The following NRAS variants were observed in gnomAD, a reference collection of about 807,000 sequenced individuals.
The protein encoded by NRAS is NRAS proto-oncogene, GTPase.
In NRAS, 6 loss-of-function variants were observed where a neutral mutation model predicts 21.3. The ratio of observed to expected loss-of-function variants is 0.28; its 90% confidence interval spans 0.15 to 0.56. NRAS has a LOEUF of 0.56. Among genes scored for constraint, NRAS ranks in the 20% least tolerant of loss-of-function variants. The pLI is 0.93. For synonymous variants in NRAS, 84 were observed against 82.0 expected (o/e 1.02, Z -0.13); for missense variants, 143 against 231.3 (o/e 0.62, Z 2.48).
At chr1:114,714,012 A>C in intron 2 of NRAS, 34 bp from the exon 3 acceptor site, 37 of 592,622 alleles carry the variant, frequency 6.2e-5, no homozygotes, top group Middle Eastern at 3.0e-4. Context: ...GCAGGGAGGG[A>C]GGGAAGTTCA....
At chr1:114,711,661 TG>T (rs1659048860) in intron 3 of NRAS, among the ~76,000 whole-genome samples, 1 of 150,956 alleles carries the variant, frequency 6.6e-6, no homozygotes, top group Non-Finnish European at 1.5e-5. Flanking sequence ...ACATTGTATC[TG>T]GAAGCCCAAG....
chr1:114,708,035 C>T lies in NRAS; in HGVS notation c.*59G>A. 5.9e-6 allele frequency: 1 copy of T among 169,922 alleles called. No homozygotes were observed. The highest frequency in any genetic ancestry group is 1.3e-5 in the Non-Finnish European group (1 of 78,468). The allele number at this position is 169,922 out of a possible 1,614,324, so 10.5% of individuals were successfully genotyped here. On this transcript the variant is annotated 3_prime_UTR_variant, in exon 7 of 7. Transcript: ENST00000369535. ...ACTTCTCCTCCAGGGAAGTCAGGAC[C>T]AGGGTGTCAGTGCAGCTGAAATAGA...
At position 114,713,878 on chromosome 1, in the gene NRAS, T is replaced by TA; in HGVS notation, c.211dup (p.Tyr71LeufsTer16). 1 of 1,613,806 alleles carries TA rather than the reference T, an allele frequency of 6.2e-7. No homozygotes were observed. Among genetic ancestry groups the TA allele is most frequent in the Non-Finnish European group, 8.5e-7 (1 of 1,179,720 alleles). On this transcript the variant is annotated frameshift_variant, in exon 3 of 7. Transcript: ENST00000369535. LOFTEE classifies it high-confidence loss of function. ...GAGGAAGCCTTCGCCTGTCCTCATGTATTGGTCTCTCATGGCACTGTACTC... is the reference window on the plus strand; with the variant it reads ...GAGGAAGCCTTCGCCTGTCCTCATGTAATTGGTCTCTCATGGCACTGTACTC...
intron 2 of NRAS, among the ~76,000 whole-genome samples, chr1:114,715,149 C>G (rs1409006794): frequency 6.6e-6 from 1 of 152,216 alleles, no homozygotes; most frequent in Non-Finnish European, 1.5e-5. Context: ...GCCTCAGCCT[C>G]CTGAGTAGCT....
At chr1:114,716,224 G>C in intron 1 of NRAS, 47 bp from the exon 2 acceptor site, 1 of 1,029,076 alleles carries the variant, frequency 9.7e-7, no homozygotes, top group Non-Finnish European at 1.5e-6. Flanking sequence ...CACATCTACA[G>C]TACTTTAAAG....
At position 114,705,866 on chromosome 1, in the gene NRAS, T is replaced by C. The variant is rs1658900773; in HGVS notation, c.*2228A>G. 2 of 152,256 alleles carry C rather than the reference T, an allele frequency of 1.3e-5. No homozygotes were observed. The highest frequency in any genetic ancestry group is 2.9e-5 in the Non-Finnish European group (2 of 68,038). 9.4% of individuals were successfully genotyped at this position (152,256 alleles called of 1,614,324 possible). ...TTTAGAAACTTCTGTGCTTAGAACA[T>C]ACTTGGAAAACTCTAAGTACATACA... On this transcript the variant is annotated 3_prime_UTR_variant, in exon 7 of 7. Coordinates refer to ENST00000369535, the MANE Select transcript of NRAS (RefSeq NM_002524.5).
intron 4 of NRAS, 79 bp from the exon 5 acceptor site, chr1:114,708,733 G>T: frequency 2.2e-6 from 3 of 1,335,826 alleles, no homozygotes; most frequent in East Asian, 4.6e-5. Flanking sequence ...TCTTGCATTT[G>T]TATCTCTTTA....
intron 3 of NRAS, among the ~76,000 whole-genome samples, chr1:114,711,232 G>T (rs1659036332): frequency 6.6e-6 from 1 of 152,172 alleles, no homozygotes; most frequent in African/African-American, 2.4e-5. Flanking sequence ...CTTGATCCCT[G>T]AGAGGTTGAA....
Position 114,709,671 on chromosome 1 carries a change from G to C in NRAS, c.348C>G (p.Asn116Lys), listed in dbSNP as rs2101738858. 1 of 1,613,178 alleles carries C rather than the reference G, an allele frequency of 6.2e-7. No individual in the cohort carries two copies. The highest frequency in any genetic ancestry group is 8.5e-7 in the Non-Finnish European group (1 of 1,179,178). ...CTGTCCTTGTTGGCAAATCACACTT[G>C]TTTCCCACTAGCACCATAGGTACAT... ...SDDVPMVLVGNKCDLPTRTVD... is the reference protein window; with the variant it reads ...SDDVPMVLVGKKCDLPTRTVD... The change falls in exon 4 of 7, where the codon AAC becomes AAG. Residue 116 changes from asparagine (N) to lysine (K), a missense_variant. Asn to Lys is a moderately conservative substitution (Grantham distance 94, BLOSUM62 0). Transcript: ENST00000369535.
At chr1:114,715,130 G>A (rs1659127088) in intron 2 of NRAS, among the ~76,000 whole-genome samples, 1 of 152,156 alleles carries the variant, frequency 6.6e-6, no homozygotes, top group South Asian at 2.1e-4. Context: ...TGGTTCAAGC[G>A]ATTCTCCTGC....
intron 2 of NRAS, among the ~76,000 whole-genome samples, chr1:114,715,051 C>T (rs1557983146): frequency 1.3e-5 from 2 of 152,148 alleles, no homozygotes; most frequent in South Asian, 2.1e-4. Context: ...TTTTTTGAGA[C>T]GAAGTCTCGC....
intron 2 of NRAS, 25 bp from the exon 3 acceptor site, chr1:114,714,003 CAGGGAGGG>C: frequency 1.7e-6 from 2 of 1,171,608 alleles, no homozygotes; most frequent in Non-Finnish European, 1.2e-6. Context: ...GGTAAGGGGG[CAGGGAGGG>C]AGGGAAGTTC....
At chr1:114,711,405 C>A (rs569247783) in intron 3 of NRAS, among the ~76,000 whole-genome samples, 4 of 152,034 alleles carry the variant, frequency 2.6e-5, no homozygotes, top group African/African-American at 9.6e-5. Flanking sequence ...TGAAACCAGC[C>A]CGGCCAACAT....
At chr1:114,708,927 A>T (rs1167246348) in intron 4 of NRAS, among the ~76,000 whole-genome samples, 1 of 152,240 alleles carries the variant, frequency 6.6e-6, no homozygotes, top group East Asian at 1.9e-4. Context: ...ACACGGAACA[A>T]AACTACATTA....
intron 3 of NRAS, among the ~76,000 whole-genome samples, chr1:114,711,959 CCA>C (rs1659055386): frequency 6.6e-6 from 1 of 152,194 alleles, no homozygotes; most frequent in African/African-American, 2.4e-5. Flanking sequence ...CTGTAAATAA[CCA>C]CATACTGCAC....
chr1:114,709,476 A>G (rs908072235), intron 4 of NRAS, 93 bp downstream of exon 4: 10 of 1,053,540 alleles, frequency 9.5e-6, no homozygotes, highest in Non-Finnish European at 1.4e-5. Flanking sequence ...AAAAAAATGC[A>G]TAACAACAAA....
At position 114,709,855 on chromosome 1, in the gene NRAS, A is replaced by T. The variant is rs1198971705; in HGVS notation, c.291-127T>A. The stretch of plus-strand genomic sequence containing the variant: ...CAGACTGCTTGAACCCAGGAGTTTG[A>T]GATTAGCCTGGGCAACATGGCAAAA... On this transcript the variant is annotated intron_variant, in intron 3 of 6. Transcript: ENST00000369535. 9.2e-6 allele frequency: 7 copies of T among 759,944 alleles called. No individual in the cohort carries two copies. In the East Asian group the frequency reaches 1.8e-4, roughly 20 times the overall value. 47.1% of individuals were successfully genotyped at this position (759,944 alleles called of 1,614,324 possible). A position where few individuals can be genotyped will look rare whatever the true frequency, so the allele number is the denominator to read the frequency against.
Position 114,704,737 on chromosome 1 carries a change from A to G in NRAS, c.*3357T>C, listed in dbSNP as rs1462480445. 1 of 152,244 alleles carries G rather than the reference A, an allele frequency of 6.6e-6. No homozygotes were observed. The highest frequency in any genetic ancestry group is 1.5e-5 in the Non-Finnish European group (1 of 68,048). 9.4% of individuals were successfully genotyped at this position (152,244 alleles called of 1,614,324 possible). A position where few individuals can be genotyped will look rare whatever the true frequency, so the allele number is the denominator to read the frequency against. On this transcript the variant is annotated 3_prime_UTR_variant, in exon 7 of 7. Transcript: ENST00000369535. ...ACATCCTCCCCTCCCTCCAGAGCAGAGTTCATACAATTCCATCTTAGGTCA... is the reference window on the plus strand; with the variant it reads ...ACATCCTCCCCTCCCTCCAGAGCAGGGTTCATACAATTCCATCTTAGGTCA...
chr1:114,709,474 G>A, intron 4 of NRAS, 95 bp downstream of exon 4: 4 of 1,013,144 alleles, frequency 3.9e-6, no homozygotes, highest in Non-Finnish European at 6.0e-6. Context: ...TGAAAAAAAT[G>A]CATAACAACA....
Sources: gnomAD v4.1 joint callset for allele counts (sites outside exome capture counted in the v4.1 genomes callset) on GRCh38, gnomAD v4.1.1 for gene constraint, MANE v1.5 for transcripts, NCBI Gene and HGNC (gene_info 2026-07-23, HGNC 2026-07-21) for gene names.